The following MTA1 variants were observed in gnomAD, a reference collection of about 807,000 sequenced individuals.
MTA1 encodes the protein metastasis associated 1, also known as metastasis-associated protein MTA1.
MTA1 carries 15 observed loss-of-function variants against 97.0 expected under a neutral mutation model. That is an observed-to-expected ratio of 0.15 (90% confidence interval 0.10 to 0.24). The LOEUF is 0.24. Among genes scored for constraint, MTA1 ranks in the 10% least tolerant of loss-of-function variants. The pLI is 1.00. For synonymous variants in MTA1, 435 were observed against 417.5 expected (o/e 1.04, Z -0.51); for missense variants, 709 against 1,015.1 (o/e 0.70, Z 4.10).
rs2081811136 is a variant in MTA1, at chr14:105,420,903, C to T, written c.28+840C>T. Among the ~76,000 whole-genome samples the T allele has an allele frequency of 6.6e-6, 1 of 152,176 alleles. No individual in the cohort carries two copies. The highest frequency in any genetic ancestry group is 1.5e-5 in the Non-Finnish European group (1 of 68,006). On this transcript the variant is annotated intron_variant, in intron 1 of 20. Transcript: ENST00000331320. This position sits in a 1 kb window ranked among gnomAD's most constrained non-coding sequence, Gnocchi z 5.3. ...CCTCCCTCCCCAGGACTCTGAGACC[C>T]CTCCCTGCCTGTGACCCTCTCGGGC...
intron 1 of MTA1, among the ~76,000 whole-genome samples, chr14:105,434,209 C>T (rs4983407): frequency 0.87 from 132,997 of 152,214 alleles, 60,878 homozygotes; most frequent in Non-Finnish European, 1. Context: ...GCCTGCACAG[C>T]CTGGAGTATT....
At chr14:105,428,997 T>TA in intron 1 of MTA1, among the ~76,000 whole-genome samples, 3 of 152,344 alleles carry the variant, frequency 2.0e-5, no homozygotes, top group Admixed American at 2.0e-4. Flanking sequence ...ATGCTGGGAT[T>TA]ACAGGCATGA....
At chr14:105,444,015 G>A (rs971911835) in intron 2 of MTA1, among the ~76,000 whole-genome samples, 3 of 151,830 alleles carry the variant, frequency 2.0e-5, no homozygotes, top group Non-Finnish European at 4.4e-5. Context: ...TTGAACCCGG[G>A]AGGTGGAGGT....
At position 105,464,409 on chromosome 14, in the gene MTA1, T is replaced by C; in HGVS notation, c.1193-7T>C. 1 of 1,612,496 alleles carries C rather than the reference T, an allele frequency of 6.2e-7. No homozygotes were observed. The highest frequency in any genetic ancestry group is 1.3e-5 in the African/African-American group (1 of 75,016). On this transcript the variant is annotated splice_polypyrimidine_tract_variant and splice_region_variant and intron_variant, in intron 13 of 20. Coordinates refer to ENST00000331320, the MANE Select transcript of MTA1 (RefSeq NM_004689.4). ...AATCCGTCTATTTCCAACTTTGTTG[T>C]CCGTAGCCACACAGTCTTACCAGTG...
rs1181193989 is a variant in MTA1 at position 105,420,519 on chromosome 14, C to T, written c.28+456C>T. ...CATCCCCTCTGGGGATGGGGAGCCC[C>T]GGTGAGGGGCCACGTTCCTCCCTAG... On this transcript the variant is annotated intron_variant, in intron 1 of 20. Coordinates refer to ENST00000331320, the MANE Select transcript of MTA1 (RefSeq NM_004689.4). The surrounding 1 kb of genome is among the most constrained non-coding windows in gnomAD (Gnocchi z 5.3). 2.0e-5 allele frequency among the ~76,000 whole-genome samples: 3 copies of T among 152,132 alleles called. No individual in the cohort carries two copies. Among genetic ancestry groups the T allele is most frequent in the African/African-American group, 7.2e-5 (3 of 41,446 alleles).
At position 105,470,398 on chromosome 14, in the gene MTA1, A is replaced by G; in HGVS notation, c.*183A>G. ...AGAAGCGCGGCTAACTTATTCCGAG[A>G]ATGCCGAGGAGTTGTCGTTTTTAGC... On this transcript the variant is annotated 3_prime_UTR_variant, in exon 21 of 21. Transcript: ENST00000331320. 1 of 534,586 alleles carries G rather than the reference A, an allele frequency of 1.9e-6. No individual in the cohort carries two copies. The allele number at this position is 534,586 out of a possible 1,614,324, so 33.1% of individuals were successfully genotyped here.
At chr14:105,448,022 C>T (rs1409999345) in intron 3 of MTA1, among the ~76,000 whole-genome samples, 7 of 152,128 alleles carry the variant, frequency 4.6e-5, no homozygotes, top group African/African-American at 4.8e-5. Flanking sequence ...GGTAGACACC[C>T]GCCAGGCTGC....
In MTA1 at chr14:105,465,103, G is replaced by A. The variant is rs1555432320; in HGVS notation, c.1544G>A (p.Arg515Gln). ...SAAIKAECTA[R>Q]LPEASQSPLV... ...GTGTGGTACCCCGCAGGCACGGCGC[G>A]GCTGCCCGAAGCCTCCCAGAGCCCG... The change falls in exon 16 of 21, where the codon CGG becomes CAG. Residue 515 changes from arginine to glutamine, a missense_variant. This residue lies in a region of MTA1 where 388 missense variants were observed against 421.6 expected (regional missense o/e 0.92). Transcript: ENST00000331320. The A allele has an allele frequency of 1.8e-5, 27 of 1,516,648 alleles. No homozygotes were observed. Among genetic ancestry groups the A allele is most frequent in the Middle Eastern group, 2.3e-4 (1 of 4,312 alleles). The allele number at this position is 1,516,648 out of a possible 1,614,324, so 93.9% of individuals were successfully genotyped here.
At chr14:105,467,700 G>T in intron 18 of MTA1, 9 of 356,060 alleles carry the variant, frequency 2.5e-5, no homozygotes, top group South Asian at 1.9e-4. Flanking sequence ...CAGCCATCTG[G>T]TATTGGGGCT....
intron 18 of MTA1, chr14:105,467,076 T>A: frequency 6.4e-6 from 3 of 471,424 alleles, no homozygotes; most frequent in African/African-American, 2.0e-5. Context: ...GGGCCGCCCG[T>A]GCTGTGCCTG....
chr14:105,470,481 G>GC lies in MTA1; in HGVS notation c.*267dup, dbSNP rs2083795988. Reference sequence around the variant, plus strand: ...AGGGGCCACCCCGTGCCCCTGTGCTGCGGGGCCTTTTGCCCGGAGGCCGGG... The same window carrying GC: ...AGGGGCCACCCCGTGCCCCTGTGCTGCCGGGGCCTTTTGCCCGGAGGCCGGG... On this transcript the variant is annotated 3_prime_UTR_variant, in exon 21 of 21. Transcript: ENST00000331320. 4.9e-6 allele frequency: 2 copies of GC among 408,716 alleles called. No individual in the cohort carries two copies. Among genetic ancestry groups the GC allele is most frequent in the Non-Finnish European group, 8.6e-6 (2 of 232,324 alleles). The allele number at this position is 408,716 out of a possible 1,614,324, so 25.3% of individuals were successfully genotyped here.
intron 1 of MTA1, among the ~76,000 whole-genome samples, chr14:105,432,270 T>C (rs2082198300): frequency 1.3e-5 from 2 of 152,212 alleles, no homozygotes; most frequent in African/African-American, 4.8e-5. Context: ...AGACGGAGTC[T>C]TGCTCTGTCA....
Position 105,470,181 on chromosome 14 carries a change from C to T in MTA1, c.2114C>T (p.Pro705Leu), listed in dbSNP as rs2083778134. Residue 705 changes from proline to leucine, a missense_variant, in exon 21 of 21, where the codon CCC becomes CTC. Transcript: ENST00000331320. Reference sequence around the variant, plus strand: ...CCGCCGCGGCCACCGCCACCTGCGCCCGTCAACGACGAGCCCATCGTCATC... The same window carrying T: ...CCGCCGCGGCCACCGCCACCTGCGCTCGTCAACGACGAGCCCATCGTCATC... Reference protein sequence around the residue: ...ALPPRPPPPAPVNDEPIVIED With the variant: ...ALPPRPPPPALVNDEPIVIED 1 of 1,607,880 alleles carries T rather than the reference C, an allele frequency of 6.2e-7. No individual in the cohort carries two copies. The highest frequency in any genetic ancestry group is 8.5e-7 in the Non-Finnish European group (1 of 1,177,838).
intron 4 of MTA1, 111 bp downstream of exon 4, chr14:105,449,520 C>G (rs2082842104): frequency 8.2e-7 from 1 of 1,219,460 alleles, no homozygotes; most frequent in East Asian, 2.6e-5. Flanking sequence ...TGCCTGTGCC[C>G]TGCGCCCGGC....
chr14:105,435,154 T>G (rs1595295858), intron 1 of MTA1, among the ~76,000 whole-genome samples: 1 of 152,246 alleles, frequency 6.6e-6, no homozygotes, highest in East Asian at 1.9e-4. Flanking sequence ...AGTTCCTTGT[T>G]TGCTCAGAGT....
intron 7 of MTA1, among the ~76,000 whole-genome samples, chr14:105,455,010 A>T (rs2083087862): frequency 2.0e-5 from 3 of 151,914 alleles, no homozygotes; most frequent in African/African-American, 7.3e-5. Flanking sequence ...GGCTCAGATG[A>T]TCCTCCCACC....
intron 7 of MTA1, among the ~76,000 whole-genome samples, chr14:105,455,948 G>A (rs781804443): frequency 1.1e-3 from 163 of 151,296 alleles, no homozygotes; most frequent in Non-Finnish European, 2.1e-3. Flanking sequence ...TAAGTGTGGG[G>A]AAGTCACTGT....
intron 10 of MTA1, 100 bp downstream of exon 10, chr14:105,461,053 C>A: frequency 7.9e-7 from 1 of 1,258,970 alleles, no homozygotes; most frequent in Non-Finnish European, 1.1e-6. Context: ...CCTGAGGGAG[C>A]CTGTCCTGCA....
chr14:105,427,240 C>T (rs1038739067), intron 1 of MTA1, among the ~76,000 whole-genome samples: 1 of 152,266 alleles, frequency 6.6e-6, no homozygotes, highest in East Asian at 1.9e-4. Context: ...GCCCAAGTTG[C>T]GTGGTGCTTG....
Sources: gnomAD v4.1 joint callset for allele counts (sites outside exome capture counted in the v4.1 genomes callset) on GRCh38, gnomAD v4.1.1 for gene constraint, gnomAD v4.1.1 regional missense constraint, Gnocchi (gnomAD v3.1) non-coding constraint, MANE v1.5 for transcripts, NCBI Gene and HGNC (gene_info 2026-07-23, HGNC 2026-07-21) for gene names.